The following TCF7L2 variants were observed in gnomAD, a reference collection of about 807,000 sequenced individuals.
TCF7L2 encodes the protein transcription factor 7 like 2.
TCF7L2 carries 23 observed loss-of-function variants against 77.9 expected under a neutral mutation model. That is an observed-to-expected ratio of 0.30 (90% CI 0.21 to 0.42). The LOEUF is 0.42. TCF7L2 is among the 10% of genes least tolerant of loss of function. The probability of loss-of-function intolerance (pLI) is 1.00; values close to 1 mark genes in which losing one functional copy is unlikely to be tolerated. For missense variants in TCF7L2, 654 were observed against 793.1 expected (o/e 0.82, Z 2.11); for synonymous variants, 413 against 340.2 (o/e 1.21, Z -2.36).
intron 11 of TCF7L2, chr10:113,157,676 A>C (rs1355461436): frequency 1.7e-5 from 4 of 236,576 alleles, no homozygotes; most frequent in Non-Finnish European, 3.4e-5. Context: ...CCATCATCCC[A>C]CTCCTCTCTG....
intron 7 of TCF7L2, among the ~76,000 whole-genome samples, chr10:113,144,890 A>G (rs1245458333): frequency 6.6e-6 from 1 of 152,142 alleles, no homozygotes; most frequent in East Asian, 1.9e-4. Context: ...TGTGTGTAAT[A>G]TGTGTTTCGT....
chr10:113,008,429 A>G (rs1034065823), intron 4 of TCF7L2, among the ~76,000 whole-genome samples: 2 of 152,204 alleles, frequency 1.3e-5, no homozygotes, highest in Non-Finnish European at 2.9e-5. Flanking sequence ...TGGGGTCTTG[A>G]GACCCTGATG....
chr10:113,000,290 T>A (rs945622074), intron 4 of TCF7L2, among the ~76,000 whole-genome samples: 2 of 152,116 alleles, frequency 1.3e-5, no homozygotes, highest in Non-Finnish European at 1.5e-5. Flanking sequence ...AACAATACCT[T>A]GTTAATGTTT....
chr10:113,112,554 G>A (rs529123089), intron 5 of TCF7L2, among the ~76,000 whole-genome samples: 2 of 152,330 alleles, frequency 1.3e-5, no homozygotes, highest in East Asian at 3.9e-4. Context: ...GAACACATAC[G>A]TGTTGTAAAG....
intron 5 of TCF7L2, among the ~76,000 whole-genome samples, chr10:113,072,746 T>C (rs935193148): frequency 1.3e-5 from 2 of 152,184 alleles, no homozygotes; most frequent in Non-Finnish European, 2.9e-5. Flanking sequence ...GAGAAGTTTT[T>C]ATTTGTGGTG....
intron 5 of TCF7L2, among the ~76,000 whole-genome samples, chr10:113,056,098 G>A (rs2055329762): frequency 6.6e-6 from 1 of 152,130 alleles, no homozygotes; most frequent in Admixed American, 6.5e-5. Flanking sequence ...CGAGATCCTG[G>A]GCTCCTGACT....
chr10:112,957,807 G>A (rs1200917117), intron 3 of TCF7L2, among the ~76,000 whole-genome samples: 1 of 152,170 alleles, frequency 6.6e-6, no homozygotes, highest in Admixed American at 6.5e-5. Flanking sequence ...ACTGGAGTGT[G>A]AGAGAGAAGG....
At chr10:113,163,881 G>A (rs973061331) in intron 13 of TCF7L2, among the ~76,000 whole-genome samples, 1 of 152,128 alleles carries the variant, frequency 6.6e-6, no homozygotes, top group African/African-American at 2.4e-5. Flanking sequence ...CCCAAGCACA[G>A]AGGGGCATGA....
intron 4 of TCF7L2, among the ~76,000 whole-genome samples, chr10:112,995,137 C>A (rs1011180047): frequency 2.6e-5 from 4 of 152,088 alleles, no homozygotes; most frequent in African/African-American, 9.7e-5. Context: ...CATGTTAGAT[C>A]CACCCTCCTC....
intron 5 of TCF7L2, among the ~76,000 whole-genome samples, chr10:113,102,859 A>C (rs1295330494): frequency 7.9e-5 from 12 of 152,210 alleles, no homozygotes; most frequent in Non-Finnish European, 1.5e-4. Context: ...GCACTGGATT[A>C]AGCTTTTCAT....
At chr10:112,990,864 T>C (rs1264885763) in intron 4 of TCF7L2, among the ~76,000 whole-genome samples, 1 of 152,226 alleles carries the variant, frequency 6.6e-6, no homozygotes, top group Non-Finnish European at 1.5e-5. Flanking sequence ...GACCGTTTGA[T>C]GGAAGCCCTC....
intron 5 of TCF7L2, among the ~76,000 whole-genome samples, chr10:113,042,827 CTTTG>C (rs902737837): frequency 7.2e-5 from 11 of 152,118 alleles, no homozygotes; most frequent in African/African-American, 2.4e-4. Flanking sequence ...TACAGTGTGT[CTTTG>C]TTTGTAAAGG....
chr10:113,091,593 C>T (rs999952840), intron 5 of TCF7L2, among the ~76,000 whole-genome samples: 5 of 152,108 alleles, frequency 3.3e-5, no homozygotes, highest in Admixed American at 6.5e-5. Context: ...GGCGCGTGCC[C>T]GTACTCCCAG....
intron 4 of TCF7L2, among the ~76,000 whole-genome samples, chr10:112,980,715 C>A (rs758796314): frequency 3.3e-5 from 5 of 152,044 alleles, no homozygotes; most frequent in Non-Finnish European, 5.9e-5. Context: ...GCAAGCTCCG[C>A]CTCCCGGGTT....
chr10:113,095,403 T>G (rs1030607896), intron 5 of TCF7L2, among the ~76,000 whole-genome samples: 1 of 152,204 alleles, frequency 6.6e-6, no homozygotes, highest in Admixed American at 6.5e-5. Flanking sequence ...TTTTTTCCTT[T>G]CCCACATTGT....
At chr10:113,038,261 A>C (rs1052239434) in intron 4 of TCF7L2, among the ~76,000 whole-genome samples, 10 of 152,160 alleles carry the variant, frequency 6.6e-5, no homozygotes, top group African/African-American at 1.9e-4. Context: ...GATGAAAAAA[A>C]CAGAGATCAC....
At chr10:113,041,159 T>C (rs1273368143) in intron 5 of TCF7L2, among the ~76,000 whole-genome samples, 1 of 152,250 alleles carries the variant, frequency 6.6e-6, no homozygotes, top group African/African-American at 2.4e-5. Context: ...TAATGAGTTA[T>C]ACCTCTGTCA....
chr10:113,145,218 G>A (rs1402637761), intron 7 of TCF7L2, among the ~76,000 whole-genome samples: 1 of 151,222 alleles, frequency 6.6e-6, no homozygotes, highest in South Asian at 2.1e-4. Flanking sequence ...TATTTTTATT[G>A]GGACGGTAGA....
intron 4 of TCF7L2, among the ~76,000 whole-genome samples, chr10:112,967,761 G>T (rs186247098): frequency 6.6e-6 from 1 of 150,516 alleles, no homozygotes; most frequent in Admixed American, 6.6e-5. Context: ...TCAGCCTCCC[G>T]AGTAGCTGGG....
Sources: gnomAD v4.1 joint callset for allele counts (sites outside exome capture counted in the v4.1 genomes callset) on GRCh38, gnomAD v4.1.1 for gene constraint, MANE v1.5 for transcripts, NCBI Gene and HGNC (gene_info 2026-07-23, HGNC 2026-07-21) for gene names.